MPHOSPH8: variants seen among roughly 807,000 people sequenced by gnomAD.
MPHOSPH8 encodes M-phase phosphoprotein 8.
A neutral mutation model predicts 87.3 loss-of-function variants in MPHOSPH8; 45 were observed. The observed-to-expected ratio is 0.52, with a 90% CI of 0.41 to 0.66. The LOEUF (loss-of-function observed/expected upper bound fraction) is 0.66, where lower values mean the gene tolerates loss of function less well. Ranked by LOEUF, MPHOSPH8 falls within the 30% of genes least tolerant of loss-of-function variation. The pLI is 0.00. For synonymous variants in MPHOSPH8, 366 were observed against 376.9 expected, an observed-to-expected ratio of 0.97 and a Z score of 0.33; for missense variants, 883 against 1,020.2, an observed-to-expected ratio of 0.87 and a Z score of 1.83.
Position 19,673,092 on chromosome 13 carries a change from T to A in MPHOSPH8, c.*1217T>A, listed in dbSNP as rs1333005241. The A allele has an allele frequency of 5.6e-6, 2 of 355,644 alleles. No homozygotes were observed. The highest frequency in any genetic ancestry group is 3.3e-5 in the South Asian group (2 of 59,970). 22.0% of individuals were successfully genotyped at this position (355,644 alleles called of 1,614,324 possible). A position where few individuals can be genotyped will look rare whatever the true frequency, so the allele number is the denominator to read the frequency against. On this transcript the variant is annotated 3_prime_UTR_variant, in exon 14 of 14. Transcript: ENST00000361479. ...AAGTTTCTTGGAACCTATACGGTTT[T>A]TTTTTGTTTTTTTTTTTTGAAAAGC... is the stretch of plus-strand genomic sequence containing the variant.
chr13:19,669,205 T>TG (rs1233426943), intron 11 of MPHOSPH8, among the ~76,000 whole-genome samples: 3 of 152,224 alleles, frequency 2.0e-5, no homozygotes, highest in African/African-American at 7.2e-5. Flanking sequence ...TGTTTTGAGA[T>TG]GGAGTCTCCC....
chr13:19,633,863 G>C lies in MPHOSPH8; in HGVS notation c.115G>C (p.Asp39His). Residue 39 changes from aspartate to histidine, a missense_variant, in exon 1 of 14, where the codon GAC becomes CAC. This residue lies in a region of MPHOSPH8 where 103 missense variants were observed against 96.3 expected (regional missense o/e 1.07). Transcript: ENST00000361479. Reference sequence around the variant, plus strand: ...AGTTGGAGTAGTGGGCGAAGATAATGACGCAGCCGCGAGAGGAGCGGAGGC... The same window carrying C: ...AGTTGGAGTAGTGGGCGAAGATAATCACGCAGCCGCGAGAGGAGCGGAGGC... Reference protein sequence around the residue: ...EGVGVVGEDNDAAARGAEAFG... With the variant: ...EGVGVVGEDNHAAARGAEAFG... The C allele has an allele frequency of 1.2e-6, 2 of 1,611,466 alleles. No homozygotes were observed.
At chr13:19,641,480 CTTTTTTT>C (rs869295535) in intron 1 of MPHOSPH8, among the ~76,000 whole-genome samples, 17 of 72,256 alleles carry the variant, frequency 2.4e-4, no homozygotes, top group Admixed American at 1.1e-3. Context: ...GTGCCACCAT[CTTTTTTT>C]TTTTTTTTTT....
At chr13:19,668,309 ACTGGTATTCGACAGG>A (rs1875928645) in intron 10 of MPHOSPH8, 53 bp from the exon 11 acceptor site, 1 of 1,439,352 alleles carries the variant, frequency 6.9e-7, no homozygotes, top group Middle Eastern at 2.4e-4. Context: ...GGAAGCCCTC[ACTGGTATTCGACAGG>A]CTTGTGGTTC....
chr13:19,652,551 C>T (rs750921801), intron 5 of MPHOSPH8, among the ~76,000 whole-genome samples: 2 of 152,132 alleles, frequency 1.3e-5, no homozygotes, highest in Non-Finnish European at 2.9e-5. Context: ...TTTCCATACC[C>T]CAGTGGCACC....
Position 19,646,670 on chromosome 13 carries a change from A to G in MPHOSPH8, c.597A>G (p.Thr199=), listed in dbSNP as rs113814267. The change falls in exon 3 of 14, where the codon ACA becomes ACG. Residue 199 remains threonine (T), a synonymous_variant. Transcript: ENST00000361479. ...AAAGTTTAGTTTTTGATTTAAGGAC[A>G]AAGAAAAGAATTTCTGAAGCCAAAG... ...SLESLVFDLR[T]KKRISEAKEE... 5.0e-6 allele frequency: 8 copies of G among 1,595,038 alleles called. No homozygotes were observed. The African/African-American group carries it at 5.4e-5, about 11-fold the overall frequency.
At chr13:19,638,266 G>A (rs943078710) in intron 1 of MPHOSPH8, among the ~76,000 whole-genome samples, 2 of 151,980 alleles carry the variant, frequency 1.3e-5, no homozygotes, top group South Asian at 4.1e-4. Flanking sequence ...CTGTATTGAT[G>A]TACTCTTAAC....
In MPHOSPH8 at chr13:19,671,275, G is replaced by A. The variant is rs1876112567; in HGVS notation, c.2527G>A (p.Ala843Thr). Reference protein sequence around the residue: ...PNKLFIRLTEAPSAKVKLLIG... With the variant: ...PNKLFIRLTETPSAKVKLLIG... Reference sequence around the variant, plus strand: ...TAAACTCTTCATAAGGTTGACAGAAGCACCCTCTGCCAAGGTGACAGTCCT... The same window carrying A: ...TAAACTCTTCATAAGGTTGACAGAAACACCCTCTGCCAAGGTGACAGTCCT... Residue 843 changes from alanine to threonine, a missense_variant, in exon 13 of 14, where the codon GCA becomes ACA. Physicochemically the swap from Ala to Thr is moderately conservative, Grantham distance 58. Coordinates refer to ENST00000361479, the MANE Select transcript of MPHOSPH8 (RefSeq NM_017520.4). The A allele has an allele frequency of 6.2e-7, 1 of 1,613,360 alleles. No homozygotes were observed. The highest frequency in any genetic ancestry group is 8.5e-7 in the Non-Finnish European group (1 of 1,179,394).
chr13:19,650,361 G>T, intron 5 of MPHOSPH8, 101 bp downstream of exon 5: 1 of 1,337,720 alleles, frequency 7.5e-7, no homozygotes, highest in Non-Finnish European at 1.0e-6. Flanking sequence ...AAAAAATAAT[G>T]GAGTCGAAGA....
chr13:19,637,889 CAA>C (rs1253262611), intron 1 of MPHOSPH8, among the ~76,000 whole-genome samples: 2 of 151,750 alleles, frequency 1.3e-5, no homozygotes, highest in Non-Finnish European at 2.9e-5. Flanking sequence ...ATCACGAAGT[CAA>C]GAGATTGAGA....
intron 1 of MPHOSPH8, among the ~76,000 whole-genome samples, chr13:19,634,268 T>TTTGGCGTGA (rs1873869955): frequency 6.6e-6 from 1 of 152,176 alleles, no homozygotes; most frequent in African/African-American, 2.4e-5. Context: ...GCTGCTGCGC[T>TTTGGCGTGA]TTGGCGTGAT....
In MPHOSPH8 at chr13:19,646,885, A is replaced by C; in HGVS notation, c.812A>C (p.Asp271Ala). ...GAATCTGAATCAAGTGTACTTAATG[A>C]TTCTCCCTTTCCAGAGGATGACAGT... ...QVESESSVLN[D>A]SPFPEDDSEG... Residue 271 changes from aspartate to alanine, a missense_variant, in exon 3 of 14, where the codon GAT becomes GCT. Coordinates refer to ENST00000361479, the MANE Select transcript of MPHOSPH8 (RefSeq NM_017520.4). The C allele has an allele frequency of 6.2e-7, 1 of 1,604,118 alleles. No homozygotes were observed. The highest frequency in any genetic ancestry group is 1.1e-5 in the South Asian group (1 of 88,258).
rs201137008 is a variant in MPHOSPH8 at position 19,648,659 on chromosome 13, A to AG, written c.1318+141dup. 49 of 321,590 alleles carry AG rather than the reference A, an allele frequency of 1.5e-4. No homozygotes were observed. The East Asian group carries it at 2.7e-3, about 18-fold the overall frequency. 19.9% of individuals were successfully genotyped at this position (321,590 alleles called of 1,614,324 possible). A position where few individuals can be genotyped will look rare whatever the true frequency, so the allele number is the denominator to read the frequency against. ...CTTGTTTTTCCTTTTTAATATGATG[A>AG]GGGATCTGATTAGAATTACTGAGAC... On this transcript the variant is annotated intron_variant, in intron 4 of 13. Coordinates refer to ENST00000361479, the MANE Select transcript of MPHOSPH8 (RefSeq NM_017520.4).
At position 19,663,028 on chromosome 13, in the gene MPHOSPH8, T is replaced by C; in HGVS notation, c.1933-12T>C. ...TTTGGGAAATTAAATTTGCCTTTTT[T>C]TCTTTTCATAGAACTTTTTAACAAC... On this transcript the variant is annotated splice_polypyrimidine_tract_variant and intron_variant, in intron 8 of 13. Coordinates refer to ENST00000361479, the MANE Select transcript of MPHOSPH8 (RefSeq NM_017520.4). 6.3e-7 allele frequency: 1 copy of C among 1,595,274 alleles called. No individual in the cohort carries two copies. Among genetic ancestry groups the C allele is most frequent in the East Asian group, 2.2e-5 (1 of 44,800 alleles).
At position 19,668,361 on chromosome 13, in the gene MPHOSPH8, T is replaced by A. The variant is rs774653765; in HGVS notation, c.2175-16T>A. ...TTTCTACATTAACGTTAACACGTAC[T>A]ATTTTTTTTTCTTAGACTTTCAAGA... On this transcript the variant is annotated splice_polypyrimidine_tract_variant and intron_variant, in intron 10 of 13. Coordinates refer to ENST00000361479, the MANE Select transcript of MPHOSPH8 (RefSeq NM_017520.4). The A allele has an allele frequency of 1.6e-5, 25 of 1,607,278 alleles. No homozygotes were observed. The Middle Eastern group carries it at 1.0e-3, about 65-fold the overall frequency.
chr13:19,651,915 T>C (rs1251194164), intron 5 of MPHOSPH8, among the ~76,000 whole-genome samples: 1 of 151,438 alleles, frequency 6.6e-6, no homozygotes, highest in Non-Finnish European at 1.5e-5. Flanking sequence ...CTGGACAACA[T>C]GCTGAAACCC....
chr13:19,667,547 A>G (rs535428422), intron 10 of MPHOSPH8, among the ~76,000 whole-genome samples: 168 of 152,202 alleles, frequency 1.1e-3, no homozygotes, highest in Non-Finnish European at 1.7e-3. Context: ...GCCCCTGACA[A>G]CCACCAGTAA....
At chr13:19,660,992 G>A in intron 7 of MPHOSPH8, 3 of 978,444 alleles carry the variant, frequency 3.1e-6, no homozygotes, top group Non-Finnish European at 3.6e-6. Context: ...GGGCGTGGTG[G>A]CATGCACCTG....
intron 1 of MPHOSPH8, among the ~76,000 whole-genome samples, chr13:19,636,159 C>A (rs1463238416): frequency 6.6e-6 from 1 of 152,138 alleles, no homozygotes; most frequent in Non-Finnish European, 1.5e-5. Flanking sequence ...AAGGTGTTAG[C>A]GGAACAGGAC....
Sources: allele counts gnomAD v4.1 joint callset (sites outside exome capture counted in the v4.1 genomes callset), GRCh38; gene constraint gnomAD v4.1.1; regional missense constraint gnomAD v4.1.1; transcripts MANE v1.5; gene names NCBI Gene and HGNC (gene_info 2026-07-23, HGNC 2026-07-21).